Variants in ULK4 observed in about 807,000 individuals in gnomAD.
ULK4 encodes unc-51 like kinase 4.
In ULK4, 133 loss-of-function variants were observed where a neutral mutation model predicts 160.6. That is an observed-to-expected ratio of 0.83 (90% confidence interval 0.72 to 0.96). The LOEUF is 0.96. ULK4 is among the 40% of genes least tolerant of loss of function. The pLI is 0.00. For missense variants in ULK4, 1,580 were observed against 1,499.5 expected (o/e 1.05, Z -0.89); for synonymous variants, 534 against 539.8 (o/e 0.99, Z 0.15).
intron 19 of ULK4, among the ~76,000 whole-genome samples, chr3:41,800,909 C>T (rs533340356): frequency 6.6e-6 from 1 of 152,100 alleles, no homozygotes; most frequent in South Asian, 2.1e-4. Flanking sequence ...AAGGAAAAGC[C>T]CAGAAGTACT....
intron 4 of ULK4, 135 bp from the exon 5 acceptor site, chr3:41,932,141 T>C: frequency 1.4e-6 from 1 of 724,918 alleles, no homozygotes; most frequent in Non-Finnish European, 2.0e-6. Context: ...TAAATGCTTA[T>C]AATTTTTTTA....
intron 18 of ULK4, among the ~76,000 whole-genome samples, chr3:41,823,847 G>C (rs1250215075): frequency 1.3e-5 from 2 of 152,042 alleles, no homozygotes; most frequent in East Asian, 3.9e-4. Context: ...TATTCAAATA[G>C]CCTAGCTTGT....
chr3:41,862,476 G>A (rs2042522200), intron 17 of ULK4, among the ~76,000 whole-genome samples: 1 of 152,068 alleles, frequency 6.6e-6, no homozygotes, highest in South Asian at 2.1e-4. Context: ...TTCAGTGTCT[G>A]GGCACTGAAG....
chr3:41,489,413 G>C (rs1464547654), intron 32 of ULK4, among the ~76,000 whole-genome samples: 2 of 152,166 alleles, frequency 1.3e-5, no homozygotes. Flanking sequence ...AAGACTGAAA[G>C]TATTCATTAG....
At chr3:41,374,463 G>T (rs1471683777) in intron 35 of ULK4, among the ~76,000 whole-genome samples, 1 of 152,070 alleles carries the variant, frequency 6.6e-6, no homozygotes, top group Non-Finnish European at 1.5e-5. Context: ...TTAATCTCTG[G>T]GATGCAAGGC....
intron 35 of ULK4, among the ~76,000 whole-genome samples, chr3:41,293,416 C>T (rs995181098): frequency 1.3e-5 from 2 of 152,160 alleles, no homozygotes; most frequent in African/African-American, 4.8e-5. Context: ...TCCACTCACT[C>T]CGTAACCCAG....
At chr3:41,483,946 C>G (rs1279358436) in intron 32 of ULK4, among the ~76,000 whole-genome samples, 6 of 152,142 alleles carry the variant, frequency 3.9e-5, no homozygotes, top group Non-Finnish European at 1.5e-5. Context: ...GCTTGGTTTT[C>G]CAAGGCAAGG....
chr3:41,372,903 T>C (rs1314200359), intron 35 of ULK4, among the ~76,000 whole-genome samples: 1 of 152,166 alleles, frequency 6.6e-6, no homozygotes, highest in African/African-American at 2.4e-5. Context: ...CCATCTCACA[T>C]GCAAAGACAC....
In ULK4 at chr3:41,835,981, C is replaced by CAAAAAAA; in HGVS notation, c.1657-17_1657-11dup. On this transcript the variant is annotated splice_polypyrimidine_tract_variant and intron_variant, in intron 17 of 36. Coordinates refer to ENST00000301831, the MANE Select transcript of ULK4 (RefSeq NM_017886.4). ...TTAAGAGAACAATTGCCTGCAAAGA[C>CAAAAAAA]AAAAAAAAAAAAAGTAAATTATTTC... The CAAAAAAA allele has an allele frequency of 2.5e-6, 3 of 1,178,670 alleles. No individual in the cohort carries two copies. The highest frequency in any genetic ancestry group is 1.5e-5 in the South Asian group (1 of 68,250). The allele number at this position is 1,178,670 out of a possible 1,614,324, so 73.0% of individuals were successfully genotyped here.
In ULK4 at chr3:41,296,567, G is replaced by A. The variant is rs148596831; in HGVS notation, c.3679-46993C>T. Among the ~76,000 whole-genome samples, 490 of 152,214 alleles carry A rather than the reference G, an allele frequency of 3.2e-3. 3 individuals are homozygous for A. Among genetic ancestry groups the A allele is most frequent in the African/African-American group, 0.011 (460 of 41,548 alleles). On this transcript the variant is annotated intron_variant, in intron 35 of 36. Coordinates refer to ENST00000301831, the MANE Select transcript of ULK4 (RefSeq NM_017886.4). ...ACTCTGTAGGGAGGCTGCCATGGGTGGAAAAAGAATTATTCCTGAGACATC... is the reference window on the plus strand; with the variant it reads ...ACTCTGTAGGGAGGCTGCCATGGGTAGAAAAAGAATTATTCCTGAGACATC...
chr3:41,498,717 TC>T (rs762866695), intron 32 of ULK4, among the ~76,000 whole-genome samples: 15 of 152,164 alleles, frequency 9.9e-5, no homozygotes, highest in Non-Finnish European at 1.9e-4. Flanking sequence ...TGCCTCAGCC[TC>T]CCGAGTAGCT....
intron 1 of ULK4, among the ~76,000 whole-genome samples, chr3:41,960,389 G>T (rs1357362996): frequency 1.3e-5 from 2 of 151,018 alleles, no homozygotes; most frequent in African/African-American, 4.9e-5. Flanking sequence ...TTTGGACAGG[G>T]TCTCACTCAG....
chr3:41,857,287 C>T (rs2042383745), intron 17 of ULK4, among the ~76,000 whole-genome samples: 1 of 152,196 alleles, frequency 6.6e-6, no homozygotes, highest in Admixed American at 6.5e-5. Flanking sequence ...CCCTTGGGTA[C>T]TCATTATTCT....
chr3:41,941,989 G>A (rs187590816), intron 2 of ULK4, among the ~76,000 whole-genome samples: 169 of 151,906 alleles, frequency 1.1e-3, no homozygotes, highest in African/African-American at 3.9e-3. Context: ...TACGCCCCAC[G>A]CCTACTCTTC....
chr3:41,291,286 G>T (rs1418750928), intron 35 of ULK4, among the ~76,000 whole-genome samples: 1 of 150,300 alleles, frequency 6.7e-6, no homozygotes, highest in Non-Finnish European at 1.5e-5. Flanking sequence ...GGGAAAGAGA[G>T]AGATAAGTAT....
At chr3:41,743,041 G>A (rs2038295724) in intron 22 of ULK4, among the ~76,000 whole-genome samples, 1 of 151,800 alleles carries the variant, frequency 6.6e-6, no homozygotes, top group South Asian at 2.1e-4. Flanking sequence ...GAGAAAATGG[G>A]ACTGAACAAG....
At chr3:41,646,325 TG>T (rs1178325219) in intron 30 of ULK4, among the ~76,000 whole-genome samples, 11 of 152,236 alleles carry the variant, frequency 7.2e-5, no homozygotes, top group Admixed American at 7.2e-4. Context: ...TTGCAGCGAC[TG>T]GTACTGGTTG....
chr3:41,436,425 T>C (rs1325144167), intron 34 of ULK4, among the ~76,000 whole-genome samples: 1 of 152,228 alleles, frequency 6.6e-6, no homozygotes, highest in African/African-American at 2.4e-5. Flanking sequence ...TTGAAACTGA[T>C]ACCAGGTATT....
chr3:41,569,100 G>A (rs2087882138), intron 31 of ULK4, among the ~76,000 whole-genome samples: 1 of 152,188 alleles, frequency 6.6e-6, no homozygotes, highest in Admixed American at 6.5e-5. Flanking sequence ...TCTTCCCCGG[G>A]CACACCACCC....
Sources: gnomAD v4.1 joint callset for allele counts (sites outside exome capture counted in the v4.1 genomes callset) on GRCh38, gnomAD v4.1.1 for gene constraint, MANE v1.5 for transcripts, NCBI Gene and HGNC (gene_info 2026-07-23, HGNC 2026-07-21) for gene names.